TAF1: variants seen among roughly 807,000 people sequenced by gnomAD.
TAF1 encodes the protein transcription initiation factor TFIID subunit 1.
TAF1 carries 2 observed loss-of-function variants against 138.5 expected under a neutral mutation model. The ratio of observed to expected loss-of-function variants is 0.01; its 90% CI spans 0.01 to 0.05. TAF1 has a LOEUF of 0.05. Ranked by LOEUF, TAF1 falls within the 10% of genes least tolerant of loss-of-function variation. TAF1 has a pLI of 1.00. For synonymous variants in TAF1, 437 were observed against 503.2 expected (o/e 0.87, Z 1.76); for missense variants, 709 against 1,478.0 (o/e 0.48, Z 8.53).
intron 13 of TAF1, among the ~76,000 whole-genome samples, chrX:71,496,537 G>T (rs755724168): frequency 1.7e-4 from 18 of 106,335 alleles, no homozygotes; most frequent in African/African-American, 5.5e-4. Context: ...CTCTTTCTTT[G>T]TCTCTGTCTC....
intron 22 of TAF1, 39 bp downstream of exon 22, chrX:71,394,284 G>A (rs1161233548): frequency 6.0e-6 from 7 of 1,157,035 alleles, no homozygotes; most frequent in Non-Finnish European, 1.1e-6. Context: ...AAAAAGAGAA[G>A]GGTTAAAAAA....
intron 9 of TAF1, among the ~76,000 whole-genome samples, chrX:71,382,297 G>GAATCA (rs2033940905): frequency 1.8e-5 from 2 of 110,003 alleles, no homozygotes; most frequent in Admixed American, 2.0e-4. Context: ...GATGTCAAGC[G>GAATCA]TGTAGTTCAC....
intron 13 of TAF1, among the ~76,000 whole-genome samples, chrX:71,484,425 CG>C (rs2039136056): frequency 9.3e-6 from 1 of 107,973 alleles, no homozygotes; most frequent in Non-Finnish European, 1.9e-5. Flanking sequence ...CTCCGACTCC[CG>C]GGTTCAAGTG....
chrX:71,381,676 C>T, intron 8 of TAF1, 67 bp from the exon 9 acceptor site: 4 of 1,125,517 alleles, frequency 3.6e-6, no homozygotes, highest in Non-Finnish European at 4.8e-6. Context: ...TTATCTTTGC[C>T]AGAATCTTGA....
At chrX:71,420,174 G>T in intron 28 of TAF1, 1 of 542,470 alleles carries the variant, frequency 1.8e-6, no homozygotes, top group African/African-American at 2.2e-5. Context: ...TCGAGAGAGG[G>T]AACTGCTGTA....
At chrX:71,461,256 A>G (rs973392353) in intron 37 of TAF1, among the ~76,000 whole-genome samples, 5 of 111,693 alleles carry the variant, frequency 4.5e-5, no homozygotes, top group Non-Finnish European at 7.5e-5. Flanking sequence ...TAGAACACAA[A>G]GTATGTTCCA....
At chrX:71,434,625 G>A (rs994163866) in intron 32 of TAF1, among the ~76,000 whole-genome samples, 20 of 112,123 alleles carry the variant, frequency 1.8e-4, no homozygotes, top group African/African-American at 5.8e-4. Flanking sequence ...ATGTATCAGA[G>A]GAATTAGTCT....
intron 32 of TAF1, among the ~76,000 whole-genome samples, chrX:71,440,069 T>C (rs1048455716): frequency 9.0e-6 from 1 of 111,408 alleles, no homozygotes; most frequent in Non-Finnish European, 1.9e-5. Context: ...AACTCCCTGT[T>C]CTTTGTATCT....
intron 32 of TAF1, among the ~76,000 whole-genome samples, chrX:71,439,245 A>G (rs2037292544): frequency 9.0e-6 from 1 of 111,121 alleles, no homozygotes; most frequent in African/African-American, 3.3e-5. Context: ...ACAATTTCCA[A>G]TCTGGGTTTA....
intron 28 of TAF1, among the ~76,000 whole-genome samples, chrX:71,417,476 C>T (rs1251884048): frequency 9.0e-6 from 1 of 110,808 alleles, no homozygotes; most frequent in East Asian, 2.8e-4. Flanking sequence ...CCCACCTCAG[C>T]CTCCCGAGTA....
chrX:71,376,881 G>A lies in TAF1; in HGVS notation c.473-69G>A, dbSNP rs192661399. On this transcript the variant is annotated intron_variant, in intron 4 of 37. Coordinates refer to ENST00000423759, the MANE Select transcript of TAF1 (RefSeq NM_004606.5). ...TGAGCCATGTGTATAGCCTAAAGTG[G>A]GTGTTTGCGGAATTCGAGGAAATAT... The A allele has an allele frequency of 3.5e-5, 41 of 1,177,349 alleles. No homozygotes were observed. In the African/African-American group the frequency reaches 6.9e-4, roughly 20 times the overall value.
chrX:71,455,000 C>G, intron 34 of TAF1, 143 bp downstream of exon 34: 1 of 1,164,112 alleles, frequency 8.6e-7, no homozygotes, highest in Middle Eastern at 2.3e-4. Flanking sequence ...TTCTTGTCTT[C>G]TCAAAGGCTA....
chrX:71,454,422 A>C (rs1055670505), intron 33 of TAF1, among the ~76,000 whole-genome samples, 185 bp downstream of exon 33: 1 of 111,181 alleles, frequency 9.0e-6, no homozygotes, highest in Non-Finnish European at 1.9e-5. Context: ...TCATGACCAT[A>C]TCTCTGCATT....
At chrX:71,423,755 T>C (rs1420552804) in intron 30 of TAF1, among the ~76,000 whole-genome samples, 1 of 112,219 alleles carries the variant, frequency 8.9e-6, no homozygotes, top group Non-Finnish European at 1.9e-5. Flanking sequence ...ATTTTAATTA[T>C]GACTATACAG....
intron 30 of TAF1, 68 bp from the exon 31 acceptor site, chrX:71,423,906 A>G (rs1428279867): frequency 4.5e-6 from 4 of 883,577 alleles, no homozygotes; most frequent in South Asian, 2.3e-5. Flanking sequence ...TTGTAACCCA[A>G]CAAAGGTGGT....
chrX:71,398,423 G>A, intron 23 of TAF1, 149 bp from the exon 24 acceptor site: 2 of 695,966 alleles, frequency 2.9e-6, no homozygotes, highest in Non-Finnish European at 4.1e-6. Flanking sequence ...GCTGACTAGG[G>A]AGGGAGATGG....
rs1733285148 is a variant in TAF1, at chrX:71,464,219, C to T, written c.*173C>T. ...ATGATAATAAATCACCTCTCCTAAT[C>T]TTCCTGGGGCAATGTCACCCTTTGA... On this transcript the variant is annotated 3_prime_UTR_variant, in exon 38 of 38. Coordinates refer to ENST00000423759, the MANE Select transcript of TAF1 (RefSeq NM_004606.5). 1 of 460,712 alleles carries T rather than the reference C, an allele frequency of 2.2e-6. No homozygotes were observed. Among genetic ancestry groups the T allele is most frequent in the Non-Finnish European group, 3.6e-6 (1 of 274,661 alleles). The allele number at this position is 460,712 out of a possible 1,213,427, so 38.0% of individuals were successfully genotyped here.
At chrX:71,379,303 A>C (rs1344189565) in intron 8 of TAF1, among the ~76,000 whole-genome samples, 1 of 107,569 alleles carries the variant, frequency 9.3e-6, no homozygotes, top group Non-Finnish European at 1.9e-5. Context: ...TTTAGTAGAG[A>C]TGGGGTTTCT....
intron 36 of TAF1, among the ~76,000 whole-genome samples, chrX:71,460,307 A>G (rs1406188767): frequency 6.2e-5 from 7 of 112,642 alleles, no homozygotes; most frequent in African/African-American, 1.9e-4. Flanking sequence ...GGGAAGGAAA[A>G]TTAAGAAAAA....
Sources: gnomAD v4.1 joint callset for allele counts (sites outside exome capture counted in the v4.1 genomes callset) on GRCh38, gnomAD v4.1.1 for gene constraint, MANE v1.5 for transcripts, NCBI Gene and HGNC (gene_info 2026-07-23, HGNC 2026-07-21) for gene names.